The following GALNT17 variants were observed in gnomAD, a reference collection of about 807,000 sequenced individuals.
GALNT17 encodes the protein polypeptide N-acetylgalactosaminyltransferase 17, also known as UDP-GalNAc:polypeptide N-acetylgalactosaminyltransferase-like 3.
Under a neutral mutation model 63.7 loss-of-function variants are expected in GALNT17, and 29 were observed. The observed-to-expected ratio is 0.46, with a 90% CI of 0.34 to 0.62. GALNT17 has a LOEUF of 0.62. GALNT17 is among the 20% of genes least tolerant of loss of function. The pLI, the probability that GALNT17 is intolerant of heterozygous loss-of-function variation, is 0.01. For missense variants in GALNT17, 603 were observed against 799.6 expected (o/e 0.75, Z 2.97); for synonymous variants, 305 against 318.3 (o/e 0.96, Z 0.45).
At chr7:71,601,455 C>T (rs1048310055) in intron 6 of GALNT17, among the ~76,000 whole-genome samples, 1 of 151,794 alleles carries the variant, frequency 6.6e-6, no homozygotes, top group African/African-American at 2.4e-5. Context: ...GGAGACAGAG[C>T]TGGGAAGAGA....
At chr7:71,689,844 C>G (rs910531372) in intron 9 of GALNT17, among the ~76,000 whole-genome samples, 6 of 152,184 alleles carry the variant, frequency 3.9e-5, no homozygotes, top group African/African-American at 1.4e-4. Context: ...GCCTGACTCT[C>G]CTGTGAGAGG....
At chr7:71,512,145 G>A (rs557851235) in intron 5 of GALNT17, among the ~76,000 whole-genome samples, 169 of 151,624 alleles carry the variant, frequency 1.1e-3, no homozygotes, top group African/African-American at 4.1e-3. Flanking sequence ...AGGGACTACA[G>A]GTGTGTGCCA....
chr7:71,255,399 C>T (rs1282385180), intron 1 of GALNT17, among the ~76,000 whole-genome samples: 2 of 152,210 alleles, frequency 1.3e-5, no homozygotes, highest in African/African-American at 4.8e-5. Context: ...GATTGTGAGG[C>T]TTTGCCAGCC....
At chr7:71,678,261 A>C (rs1009422425) in intron 9 of GALNT17, among the ~76,000 whole-genome samples, 3 of 151,750 alleles carry the variant, frequency 2.0e-5, no homozygotes, top group Non-Finnish European at 2.9e-5. Context: ...AGTAGCTGAG[A>C]TTACAGGCTT....
chr7:71,334,083 G>A (rs73181635), intron 1 of GALNT17, among the ~76,000 whole-genome samples: 11,861 of 152,202 alleles, frequency 0.078, 569 homozygotes, highest in South Asian at 0.2. Context: ...AGCAAGAAAA[G>A]ATACCAGGAT....
chr7:71,244,313 A>G (rs1240905972), intron 1 of GALNT17, among the ~76,000 whole-genome samples: 1 of 152,174 alleles, frequency 6.6e-6, no homozygotes, highest in Non-Finnish European at 1.5e-5. Context: ...ACACTAAGAC[A>G]TTTCAGTAAT....
chr7:71,206,831 C>T (rs1007934332), intron 1 of GALNT17, among the ~76,000 whole-genome samples: 9 of 152,226 alleles, frequency 5.9e-5, no homozygotes, highest in African/African-American at 1.4e-4. Context: ...GTAGGCCGGG[C>T]GTGGTGGCTC....
chr7:71,508,655 T>C (rs76993201), intron 5 of GALNT17, among the ~76,000 whole-genome samples: 3,157 of 152,192 alleles, frequency 0.021, 108 homozygotes, highest in African/African-American at 0.073. Flanking sequence ...GCACCAGCTC[T>C]GAGGAACCCA....
intron 1 of GALNT17, among the ~76,000 whole-genome samples, chr7:71,277,615 T>C (rs1281781065): frequency 6.6e-6 from 1 of 152,228 alleles, no homozygotes; most frequent in Non-Finnish European, 1.5e-5. Context: ...AGGAGTGTTC[T>C]GAGACACTGC....
intron 6 of GALNT17, among the ~76,000 whole-genome samples, chr7:71,599,154 G>A (rs1789929871): frequency 6.6e-6 from 1 of 152,054 alleles, no homozygotes; most frequent in South Asian, 2.1e-4. Context: ...TGAGTCTTGG[G>A]AACTTTATCT....
At chr7:71,143,879 A>G (rs544037123) in intron 1 of GALNT17, among the ~76,000 whole-genome samples, 1 of 129,682 alleles carries the variant, frequency 7.7e-6, no homozygotes, top group Non-Finnish European at 1.6e-5. Flanking sequence ...ATCTCTATTT[A>G]AAAAAAAAAA....
At chr7:71,182,892 A>G (rs1370986459) in intron 1 of GALNT17, among the ~76,000 whole-genome samples, 1 of 152,192 alleles carries the variant, frequency 6.6e-6, no homozygotes. Flanking sequence ...TTTGGACTCA[A>G]AAGAAAAGAA....
intron 1 of GALNT17, among the ~76,000 whole-genome samples, chr7:71,305,411 T>C (rs1791271670): frequency 6.6e-6 from 1 of 152,176 alleles, no homozygotes; most frequent in Non-Finnish European, 1.5e-5. Flanking sequence ...AATTTTCTTG[T>C]TTTCAACTAA....
rs557301022 is a variant in GALNT17, at chr7:71,683,877, G to A, written c.1500+6571G>A. On this transcript the variant is annotated intron_variant, in intron 9 of 10. Coordinates refer to ENST00000333538, the MANE Select transcript of GALNT17 (RefSeq NM_022479.3). ...ACAAAAATTAGCCAGGTGTGGTGGT[G>A]GGCGCCTGTAATCCCAGCTACTCCG... Among the ~76,000 whole-genome samples the A allele has an allele frequency of 1.3e-3, 196 of 151,854 alleles. 2 individuals are homozygous for A. Among genetic ancestry groups the A allele is most frequent in the Non-Finnish European group, 2.1e-3 (145 of 67,906 alleles).
rs1460569027 is a variant in GALNT17, at chr7:71,713,369, G to T, written c.*1223G>T. 2 of 152,710 alleles carry T rather than the reference G, an allele frequency of 1.3e-5. No homozygotes were observed. Among genetic ancestry groups the T allele is most frequent in the Non-Finnish European group, 2.9e-5 (2 of 68,456 alleles). 9.5% of individuals were successfully genotyped at this position (152,710 alleles called of 1,614,324 possible). ...CCCATGTCACTGGCCGGAAGGATGT[G>T]TCTCAGCCCTGCCCTGTGGGGTGCC... is the stretch of plus-strand genomic sequence containing the variant. On this transcript the variant is annotated 3_prime_UTR_variant, in exon 11 of 11. Coordinates refer to ENST00000333538, the MANE Select transcript of GALNT17 (RefSeq NM_022479.3).
intron 1 of GALNT17, among the ~76,000 whole-genome samples, chr7:71,318,941 G>A (rs982445488): frequency 2.6e-5 from 4 of 152,116 alleles, no homozygotes; most frequent in African/African-American, 9.7e-5. Flanking sequence ...CCCATTGTAC[G>A]CATGTGAGTT....
intron 1 of GALNT17, among the ~76,000 whole-genome samples, chr7:71,294,465 A>AGT: frequency 8.5e-6 from 1 of 117,778 alleles, no homozygotes; most frequent in East Asian, 2.7e-4. Context: ...CCCAGGTTGG[A>AGT]GTGCAGTGGT....
intron 1 of GALNT17, among the ~76,000 whole-genome samples, chr7:71,229,042 A>G (rs1789735580): frequency 1.3e-5 from 2 of 152,170 alleles, no homozygotes; most frequent in Non-Finnish European, 2.9e-5. Flanking sequence ...AGGCAATTCA[A>G]CAGTGGCCGC....
intron 2 of GALNT17, among the ~76,000 whole-genome samples, chr7:71,369,213 T>C (rs181401230): frequency 4.9e-4 from 75 of 152,192 alleles, no homozygotes; most frequent in Admixed American, 2.0e-3. Flanking sequence ...CCAATACTTA[T>C]CAAGTATCTG....
Sources: allele counts gnomAD v4.1 joint callset (sites outside exome capture counted in the v4.1 genomes callset), GRCh38; gene constraint gnomAD v4.1.1; transcripts MANE v1.5; gene names NCBI Gene and HGNC (gene_info 2026-07-23, HGNC 2026-07-21).